The following SORCS1 variants were observed in gnomAD, a reference collection of about 807,000 sequenced individuals.
The protein encoded by SORCS1 is sortilin related VPS10 domain containing receptor 1.
SORCS1 carries 60 observed loss-of-function variants against 146.1 expected under a neutral mutation model. The observed-to-expected ratio is 0.41, with a 90% CI of 0.33 to 0.51. SORCS1 has a LOEUF of 0.51. SORCS1 is among the 20% of genes least tolerant of loss of function. SORCS1 has a pLI of 0.21. For synonymous variants in SORCS1, 637 were observed against 584.0 expected (o/e 1.09, Z -1.31); for missense variants, 1,352 against 1,487.6 (o/e 0.91, Z 1.50).
intron 3 of SORCS1, among the ~76,000 whole-genome samples, chr10:106,826,590 A>C (rs925057535): frequency 2.0e-5 from 3 of 152,242 alleles, no homozygotes; most frequent in African/African-American, 7.2e-5. Flanking sequence ...GGCGGAGTAC[A>C]TATTTCATGG....
chr10:106,944,825 A>G (rs1408213511), intron 2 of SORCS1, among the ~76,000 whole-genome samples: 1 of 81,746 alleles, frequency 1.2e-5, no homozygotes, highest in Non-Finnish European at 2.5e-5. Context: ...CATGTAGTGA[A>G]TGAAAGAAAC....
intron 18 of SORCS1, among the ~76,000 whole-genome samples, chr10:106,650,584 G>T (rs11192997): frequency 0.07 from 10,644 of 152,172 alleles, 446 homozygotes; most frequent in East Asian, 0.21. Flanking sequence ...GACCTCATCA[G>T]TCCTAGCTTT....
intron 1 of SORCS1, among the ~76,000 whole-genome samples, chr10:107,147,892 T>G (rs550213606): frequency 6.6e-6 from 1 of 151,976 alleles, no homozygotes; most frequent in African/African-American, 2.4e-5. Context: ...GCACATAAGA[T>G]CAGATATTTT....
intron 1 of SORCS1, among the ~76,000 whole-genome samples, chr10:107,144,157 A>G (rs1968095397): frequency 6.6e-6 from 1 of 152,156 alleles, no homozygotes; most frequent in Non-Finnish European, 1.5e-5. Context: ...TGCCAGAAAC[A>G]TCATATGTGA....
intron 2 of SORCS1, among the ~76,000 whole-genome samples, chr10:106,948,267 A>C (rs2138857391): frequency 7.0e-6 from 1 of 142,900 alleles, no homozygotes; most frequent in South Asian, 2.3e-4. Context: ...GTGGTATGTA[A>C]GAAACTATTT....
intron 3 of SORCS1, among the ~76,000 whole-genome samples, chr10:106,792,652 G>A (rs575425142): frequency 2.6e-5 from 4 of 152,292 alleles, no homozygotes; most frequent in Admixed American, 6.5e-5. Context: ...GCAGGTCTTC[G>A]TAAGCACGGG....
chr10:106,753,670 A>T (rs1158476483), intron 5 of SORCS1, among the ~76,000 whole-genome samples: 3 of 150,918 alleles, frequency 2.0e-5, no homozygotes, highest in Non-Finnish European at 4.4e-5. Flanking sequence ...CAGCGATAAT[A>T]GGCCAGGTAT....
intron 2 of SORCS1, among the ~76,000 whole-genome samples, chr10:106,837,009 C>A (rs781196123): frequency 6.6e-6 from 1 of 152,190 alleles, no homozygotes; most frequent in Non-Finnish European, 1.5e-5. Flanking sequence ...GGACTCCTAG[C>A]CCACTTATGT....
intron 2 of SORCS1, among the ~76,000 whole-genome samples, chr10:106,895,239 G>C (rs192262345): frequency 2.0e-5 from 3 of 152,304 alleles, no homozygotes; most frequent in Admixed American, 2.0e-4. Context: ...AGCTGTGCTA[G>C]AGGTCCTCAC....
chr10:106,694,294 G>A (rs1853529460), intron 9 of SORCS1, among the ~76,000 whole-genome samples: 2 of 152,174 alleles, frequency 1.3e-5, no homozygotes, highest in Middle Eastern at 3.4e-3. Context: ...TTTTGAGGAG[G>A]AGTCTTGCTC....
chr10:106,932,389 C>T (rs1953465916), intron 2 of SORCS1, among the ~76,000 whole-genome samples: 1 of 152,122 alleles, frequency 6.6e-6, no homozygotes, highest in Non-Finnish European at 1.5e-5. Context: ...AAGCAACTCA[C>T]AGCACTACTG....
At chr10:107,120,124 A>T (rs1013645334) in intron 1 of SORCS1, among the ~76,000 whole-genome samples, 3 of 152,076 alleles carry the variant, frequency 2.0e-5, no homozygotes, top group African/African-American at 7.2e-5. Flanking sequence ...TGTTTATTAG[A>T]CTTTAAATTG....
intron 1 of SORCS1, among the ~76,000 whole-genome samples, chr10:106,989,668 CTGTT>C (rs1221155908): frequency 7.9e-6 from 1 of 127,218 alleles, no homozygotes; most frequent in African/African-American, 3.5e-5. Flanking sequence ...CATATTTTTT[CTGTT>C]TTTTTTTGTT....
At chr10:107,043,893 G>A (rs1959194467) in intron 1 of SORCS1, among the ~76,000 whole-genome samples, 1 of 152,150 alleles carries the variant, frequency 6.6e-6, no homozygotes, top group African/African-American at 2.4e-5. Flanking sequence ...TCATCTTTCC[G>A]AAAGTCCTGC....
At chr10:107,106,031 G>A (rs1965279820) in intron 1 of SORCS1, among the ~76,000 whole-genome samples, 1 of 152,208 alleles carries the variant, frequency 6.6e-6, no homozygotes, top group Non-Finnish European at 1.5e-5. Context: ...TCATAAGCTA[G>A]ACTGGATTTG....
At chr10:107,153,421 G>T (rs2134845963) in intron 1 of SORCS1, among the ~76,000 whole-genome samples, 1 of 152,312 alleles carries the variant, frequency 6.6e-6, no homozygotes, top group East Asian at 1.9e-4. Context: ...TAAAGACAGA[G>T]ATTGAGATTT....
At chr10:106,941,993 G>A (rs986242) in intron 2 of SORCS1, among the ~76,000 whole-genome samples, 1 of 152,192 alleles carries the variant, frequency 6.6e-6, no homozygotes, top group African/African-American at 2.4e-5. Flanking sequence ...AAATAACTCA[G>A]GGATGTGGGG....
chr10:106,745,569 T>C (rs1439899502), intron 5 of SORCS1, among the ~76,000 whole-genome samples: 1 of 152,226 alleles, frequency 6.6e-6, no homozygotes, highest in Non-Finnish European at 1.5e-5. Flanking sequence ...GTTCTCAACG[T>C]ATCTCTCCAA....
chr10:106,646,955 CTTGT>C (rs1020634221), intron 18 of SORCS1, among the ~76,000 whole-genome samples: 12 of 143,786 alleles, frequency 8.3e-5, no homozygotes, highest in African/African-American at 2.3e-4. Flanking sequence ...CCTTGTTCAG[CTTGT>C]TTATGATATA....
Sources: gnomAD v4.1 joint callset for allele counts (sites outside exome capture counted in the v4.1 genomes callset) on GRCh38, gnomAD v4.1.1 for gene constraint, MANE v1.5 for transcripts, NCBI Gene and HGNC (gene_info 2026-07-23, HGNC 2026-07-21) for gene names.